LRRC37A2: variants seen among roughly 807,000 people sequenced by gnomAD.
LRRC37A2 encodes leucine-rich repeat-containing protein 37A2.
Under a neutral mutation model 68.8 loss-of-function variants are expected in LRRC37A2, and 9 were observed. The ratio of observed to expected loss-of-function variants is 0.13; its 90% CI spans 0.08 to 0.23. LRRC37A2 has a LOEUF of 0.23. Ranked by LOEUF, LRRC37A2 falls within the 10% of genes least tolerant of loss-of-function variation. LRRC37A2 has a pLI of 1.00. For synonymous variants in LRRC37A2, 63 were observed against 367.6 expected (o/e 0.17, Z 9.48); for missense variants, 168 against 950.4 (o/e 0.18, Z 10.82).
rs200087533 is a variant in LRRC37A2, at chr17:46,548,634, G to T, written c.3495G>T (p.Lys1165Asn). The change falls in exon 10 of 15, where the codon AAG (lysine) becomes AAT (asparagine). Residue 1165 changes from lysine to asparagine, a missense_variant. By Grantham distance (94) the Lys-to-Asn change is moderately conservative. Coordinates refer to ENST00000576629, the Ensembl canonical transcript of LRRC37A2. ...TAGGCCAAAACCGGCAGAGAGTGAA[G>T]AGAGTCCTCATGGGCCCAAGGAGCA... 9.3e-5 allele frequency: 149 copies of T among 1,603,590 alleles called. No homozygotes were observed. The highest frequency in any genetic ancestry group is 5.8e-4 in the South Asian group (53 of 90,776).
chr17:46,927,571 T>C, the LRRC37A2 span, among the ~76,000 whole-genome samples: 1 of 152,242 alleles, frequency 6.6e-6, no homozygotes, highest in Non-Finnish European at 1.5e-5. Context: ...TTTTATGTGT[T>C]ACCTGAGGTG....
the LRRC37A2 span, among the ~76,000 whole-genome samples, chr17:46,946,461 CAAAA>C: frequency 7.1e-5 from 7 of 98,946 alleles, no homozygotes; most frequent in African/African-American, 8.3e-5. Flanking sequence ...AACTCCGTCT[CAAAA>C]AAAAAAAAAA....
the LRRC37A2 span, among the ~76,000 whole-genome samples, chr17:46,776,103 A>G: frequency 6.6e-6 from 1 of 152,176 alleles, no homozygotes; most frequent in Non-Finnish European, 1.5e-5. Context: ...CAGACCACAG[A>G]GCTCCTATGG....
the LRRC37A2 span, among the ~76,000 whole-genome samples, chr17:46,767,839 A>C: frequency 6.6e-6 from 1 of 151,986 alleles, no homozygotes; most frequent in African/African-American, 2.4e-5. Context: ...GGCTGGATGG[A>C]GTCCAGTGGT....
At chr17:47,017,194 T>G in the LRRC37A2 span, 1 of 1,611,562 alleles carries the variant, frequency 6.2e-7, no homozygotes, top group Non-Finnish European at 8.5e-7. Context: ...GCTGCCAGAA[T>G]GACTTCCGCT....
chr17:46,909,066 A>C, the LRRC37A2 span, among the ~76,000 whole-genome samples: 1 of 152,108 alleles, frequency 6.6e-6, no homozygotes, highest in Non-Finnish European at 1.5e-5. Flanking sequence ...GAGCCATAGA[A>C]ATGTAGCATG....
the LRRC37A2 span, among the ~76,000 whole-genome samples, chr17:46,987,031 A>G: frequency 6.6e-6 from 1 of 152,124 alleles, no homozygotes. Context: ...GGATCATTTG[A>G]GGTCAGGGGT....
the LRRC37A2 span, among the ~76,000 whole-genome samples, chr17:46,765,309 C>T: frequency 2.6e-4 from 39 of 151,838 alleles, no homozygotes; most frequent in African/African-American, 9.0e-4. Flanking sequence ...CCAGGCCACT[C>T]GACTCTTGCC....
At chr17:46,821,909 C>T in the LRRC37A2 span, among the ~76,000 whole-genome samples, 15 of 152,234 alleles carry the variant, frequency 9.9e-5, no homozygotes, top group Non-Finnish European at 2.1e-4. Flanking sequence ...GGCCCCCGCC[C>T]GCCCTCATGG....
At chr17:46,931,398 G>A in the LRRC37A2 span, 1 of 611,866 alleles carries the variant, frequency 1.6e-6, no homozygotes, top group South Asian at 2.0e-5. Flanking sequence ...TAGCCTGTGA[G>A]GTTTGTGACT....
the LRRC37A2 span, among the ~76,000 whole-genome samples, chr17:46,983,293 T>C: frequency 3.4e-5 from 1 of 29,206 alleles, no homozygotes; most frequent in Non-Finnish European, 9.2e-5. Context: ...TTTCTTCTTT[T>C]TTTTTTTTTT....
At chr17:46,935,780 C>T in the LRRC37A2 span, 798 of 986,334 alleles carry the variant, frequency 8.1e-4, 10 homozygotes, top group African/African-American at 0.013. Flanking sequence ...GACTCCAGCC[C>T]CTGGGAGTGG....
chr17:47,002,960 AG>A, the LRRC37A2 span, among the ~76,000 whole-genome samples: 1 of 152,154 alleles, frequency 6.6e-6, no homozygotes, highest in Non-Finnish European at 1.5e-5. Context: ...TCTGTATAAA[AG>A]CTCAAGGAAG....
the LRRC37A2 span, among the ~76,000 whole-genome samples, chr17:46,977,220 C>T: frequency 6.6e-6 from 1 of 152,328 alleles, no homozygotes; most frequent in East Asian, 1.9e-4. Context: ...CTTCGCTTCT[C>T]TTAGCTAAAA....
the LRRC37A2 span, among the ~76,000 whole-genome samples, chr17:46,779,053 T>TCACTCACACACACACA: frequency 4.0e-5 from 4 of 100,612 alleles, no homozygotes; most frequent in Admixed American, 1.2e-4. Flanking sequence ...CCCTACCCCA[T>TCACTCACACACACACA]CACACACACA....
the LRRC37A2 span, chr17:46,710,934 A>G: frequency 6.4e-7 from 1 of 1,560,554 alleles, no homozygotes; most frequent in South Asian, 1.2e-5. Flanking sequence ...CTAAGGCTCA[A>G]AATGCTTTAG....
At chr17:46,835,154 C>T in the LRRC37A2 span, among the ~76,000 whole-genome samples, 1 of 152,142 alleles carries the variant, frequency 6.6e-6, no homozygotes, top group African/African-American at 2.4e-5. Flanking sequence ...ACCACCACAC[C>T]TGGCTAATTT....
At chr17:46,940,007 G>A in the LRRC37A2 span, 4 of 1,007,676 alleles carry the variant, frequency 4.0e-6, no homozygotes, top group African/African-American at 1.7e-5. Flanking sequence ...TCTGGAAACC[G>A]GCTCAGTATT....
At chr17:46,747,385 A>T in the LRRC37A2 span, among the ~76,000 whole-genome samples, 1 of 152,230 alleles carries the variant, frequency 6.6e-6, no homozygotes, top group East Asian at 1.9e-4. Context: ...GGCTCAAGCG[A>T]TCTGCTCACC....
Sources: gnomAD v4.1 joint callset for allele counts (sites outside exome capture counted in the v4.1 genomes callset) on GRCh38, gnomAD v4.1.1 for gene constraint, MANE v1.5 for transcripts, NCBI Gene and HGNC (gene_info 2026-07-23, HGNC 2026-07-21) for gene names.